The following FAF1 variants were observed in gnomAD, a reference collection of about 807,000 sequenced individuals.
FAF1 encodes the protein FAS-associated factor 1.
Under a neutral mutation model 92.5 loss-of-function variants are expected in FAF1, and 25 were observed. The observed-to-expected ratio is 0.27, with a 90% CI of 0.20 to 0.38. FAF1 has a LOEUF of 0.38. FAF1 is among the 10% of genes least tolerant of loss of function. The pLI, the probability that FAF1 is intolerant of heterozygous loss-of-function variation, is 1.00. For synonymous variants in FAF1, 234 were observed against 273.2 expected (o/e 0.86, Z 1.42); for missense variants, 636 against 793.3 (o/e 0.80, Z 2.38).
chr1:50,714,682 A>G (rs1658100349), intron 6 of FAF1, among the ~76,000 whole-genome samples: 1 of 152,176 alleles, frequency 6.6e-6, no homozygotes, highest in African/African-American at 2.4e-5. Flanking sequence ...CACTCAAGAG[A>G]CTGGATATCC....
intron 8 of FAF1, among the ~76,000 whole-genome samples, chr1:50,644,239 T>C (rs1654476217): frequency 6.6e-6 from 1 of 152,210 alleles, no homozygotes; most frequent in Non-Finnish European, 1.5e-5. Flanking sequence ...GGCCAATTTA[T>C]CCACTCCACT....
At chr1:50,614,568 G>A (rs200340239) in intron 8 of FAF1, among the ~76,000 whole-genome samples, 27 of 152,082 alleles carry the variant, frequency 1.8e-4, no homozygotes, top group East Asian at 1.7e-3. Context: ...GGCTGGGCAC[G>A]GTAGCTCACA....
chr1:50,680,512 G>A (rs1044378485), intron 7 of FAF1, among the ~76,000 whole-genome samples: 4 of 151,964 alleles, frequency 2.6e-5, no homozygotes, highest in East Asian at 3.9e-4. Context: ...GGGAAACCTC[G>A]TCTCTACTAA....
intron 6 of FAF1, among the ~76,000 whole-genome samples, chr1:50,724,614 A>C (rs577258779): frequency 6.6e-6 from 1 of 152,248 alleles, no homozygotes; most frequent in Admixed American, 6.5e-5. Flanking sequence ...GATTCTCCCC[A>C]CAAGGGTAGA....
intron 7 of FAF1, among the ~76,000 whole-genome samples, chr1:50,657,655 T>C (rs1274296052): frequency 6.6e-6 from 1 of 152,248 alleles, no homozygotes; most frequent in South Asian, 2.1e-4. Flanking sequence ...TAAAGTATCA[T>C]GTTGTCCAAT....
chr1:50,498,421 T>G (rs996745673), intron 15 of FAF1, among the ~76,000 whole-genome samples: 5 of 152,136 alleles, frequency 3.3e-5, no homozygotes, highest in Non-Finnish European at 7.4e-5. Flanking sequence ...TCATCAAAAT[T>G]AAACCTTTTT....
At chr1:50,781,192 G>A (rs1557524635) in intron 4 of FAF1, 2 of 169,078 alleles carry the variant, frequency 1.2e-5, no homozygotes, top group Middle Eastern at 2.4e-3. Context: ...AACTAGGCCA[G>A]AGCCTCAGTG....
intron 8 of FAF1, among the ~76,000 whole-genome samples, chr1:50,626,004 C>T (rs560440132): frequency 6.6e-6 from 1 of 152,168 alleles, no homozygotes; most frequent in East Asian, 1.9e-4. Context: ...AGAGACAGAT[C>T]AATAGATCAA....
intron 7 of FAF1, among the ~76,000 whole-genome samples, chr1:50,657,533 G>A (rs1200724533): frequency 7.9e-5 from 12 of 151,990 alleles, no homozygotes; most frequent in Admixed American, 7.9e-4. Flanking sequence ...CTGAACTCTG[G>A]GTGACACAGT....
intron 7 of FAF1, among the ~76,000 whole-genome samples, chr1:50,694,143 C>T (rs1444492977): frequency 6.9e-6 from 1 of 144,640 alleles, no homozygotes; most frequent in African/African-American, 2.9e-5. Context: ...TTAAGATTTC[C>T]TTGTTTAGGA....
chr1:50,567,026 A>T (rs1367736666), intron 13 of FAF1, 51 bp downstream of exon 13: 8 of 1,252,686 alleles, frequency 6.4e-6, no homozygotes, highest in Non-Finnish European at 8.6e-6. Flanking sequence ...AAACACAATG[A>T]TTTTTTTTTT....
chr1:50,827,451 A>G (rs1347332670), intron 2 of FAF1, among the ~76,000 whole-genome samples: 2 of 152,174 alleles, frequency 1.3e-5, no homozygotes, highest in Non-Finnish European at 1.5e-5. Flanking sequence ...AAGAGTCATC[A>G]CCACTCCCTA....
chr1:50,773,051 T>C (rs1660827526), intron 4 of FAF1, among the ~76,000 whole-genome samples: 1 of 152,222 alleles, frequency 6.6e-6, no homozygotes, highest in Non-Finnish European at 1.5e-5. Context: ...GTAACTCCTG[T>C]ATATCTTGCT....
At chr1:50,903,120 T>C (rs1358147585) in intron 1 of FAF1, among the ~76,000 whole-genome samples, 1 of 152,006 alleles carries the variant, frequency 6.6e-6, no homozygotes. Context: ...TTAAGTCATC[T>C]TTTTATCCCC....
At chr1:50,666,098 C>G (rs889069985) in intron 7 of FAF1, among the ~76,000 whole-genome samples, 14 of 150,508 alleles carry the variant, frequency 9.3e-5, no homozygotes, top group African/African-American at 3.4e-4. Flanking sequence ...TTGCTTGAAC[C>G]TGGGAGGCAG....
intron 15 of FAF1, among the ~76,000 whole-genome samples, chr1:50,525,789 T>C (rs1647763243): frequency 2.0e-5 from 3 of 152,196 alleles, no homozygotes; most frequent in Admixed American, 1.3e-4. Flanking sequence ...ATTTTTTTTC[T>C]GTGTCAGTTG....
At chr1:50,600,951 C>A (rs1169616501) in intron 8 of FAF1, among the ~76,000 whole-genome samples, 1 of 152,064 alleles carries the variant, frequency 6.6e-6, no homozygotes, top group African/African-American at 2.4e-5. Context: ...TGAATATAAT[C>A]CACATAAACA....
chr1:50,443,598 G>C (rs1050067684), intron 18 of FAF1, among the ~76,000 whole-genome samples: 1 of 152,226 alleles, frequency 6.6e-6, no homozygotes, highest in African/African-American at 2.4e-5. Flanking sequence ...TCCTAGGTCT[G>C]TCACTTCCTA....
intron 15 of FAF1, among the ~76,000 whole-genome samples, chr1:50,497,540 CTTTTTTT>C (rs61258960): frequency 2.0e-4 from 20 of 100,548 alleles, no homozygotes; most frequent in East Asian, 8.9e-4. Flanking sequence ...ATTCAAAACT[CTTTTTTT>C]TTTTTTTTTT....
Sources: allele counts gnomAD v4.1 joint callset (sites outside exome capture counted in the v4.1 genomes callset), GRCh38; gene constraint gnomAD v4.1.1; transcripts MANE v1.5; gene names NCBI Gene and HGNC (gene_info 2026-07-23, HGNC 2026-07-21).